Variants in SH3PXD2A observed in about 807,000 individuals in gnomAD.
SH3PXD2A encodes SH3 and PX domain-containing protein 2A.
Under a neutral mutation model 115.2 loss-of-function variants are expected in SH3PXD2A, and 32 were observed. The ratio of observed to expected loss-of-function variants is 0.28; its 90% CI spans 0.21 to 0.37. The LOEUF is 0.37. Among genes scored for constraint, SH3PXD2A ranks in the 10% least tolerant of loss-of-function variants. The probability of loss-of-function intolerance (pLI) is 1.00; values close to 1 mark genes in which losing one functional copy is unlikely to be tolerated. For missense variants in SH3PXD2A, 1,328 were observed against 1,498.7 expected (o/e 0.89, Z 1.88); for synonymous variants, 610 against 629.1 (o/e 0.97, Z 0.45).
intron 2 of SH3PXD2A, among the ~76,000 whole-genome samples, chr10:103,776,340 C>A (rs1389946765): frequency 4.0e-5 from 6 of 150,302 alleles, no homozygotes; most frequent in Admixed American, 1.3e-4. Flanking sequence ...CTGCAGTGAG[C>A]CATGATCATG....
chr10:103,603,560 T>A lies in SH3PXD2A; in HGVS notation c.1658A>T (p.Tyr553Phe), dbSNP rs761098740. 6 of 1,612,486 alleles carry A rather than the reference T, an allele frequency of 3.7e-6. No homozygotes were observed. The South Asian group carries it at 5.5e-5, about 15-fold the overall frequency. ...AGGGATGTCATACTCAGGCTCCTCA[T>A]ACTTGAGCTTCCGCGGGGAGTCCTG... The part of the protein sequence containing the change: ...ESQDSPRKLK[Y>F]EEPEYDIPAF... Residue 553 changes from tyrosine (Y) to phenylalanine (F), a missense_variant, in exon 15 of 15, where the codon TAT (tyrosine) becomes TTT (phenylalanine). By Grantham distance (22) the Tyr-to-Phe change is conservative. Around this residue, in one of 5 missense-constraint regions of SH3PXD2A, gnomAD observed 509 missense variants for 628.3 expected, o/e 0.81. Coordinates refer to ENST00000369774, the MANE Select transcript of SH3PXD2A (RefSeq NM_001394015.1).
intron 11 of SH3PXD2A, among the ~76,000 whole-genome samples, chr10:103,613,834 C>A (rs990457862): frequency 2.0e-5 from 3 of 152,172 alleles, no homozygotes; most frequent in African/African-American, 7.2e-5. Flanking sequence ...CTCCTCCATG[C>A]CAGATGACTG....
chr10:103,837,677 C>A (rs1029037846), intron 1 of SH3PXD2A, among the ~76,000 whole-genome samples: 2 of 152,206 alleles, frequency 1.3e-5, no homozygotes, highest in Non-Finnish European at 1.5e-5. Flanking sequence ...CACCATATTT[C>A]CAGGAGTCAC....
At chr10:103,735,913 C>G in intron 3 of SH3PXD2A, 105 bp from the exon 4 acceptor site, 7 of 858,868 alleles carry the variant, frequency 8.2e-6, no homozygotes, top group African/African-American at 1.6e-5. Flanking sequence ...CCAGCACTAC[C>G]TGCCACCACC....
At chr10:103,755,999 C>G (rs943003029) in intron 3 of SH3PXD2A, among the ~76,000 whole-genome samples, 6 of 152,222 alleles carry the variant, frequency 3.9e-5, no homozygotes, top group African/African-American at 1.4e-4. Flanking sequence ...TTTGCCTCCT[C>G]CCTTCCCTTT....
At chr10:103,618,651 C>T (rs1371608633) in intron 10 of SH3PXD2A, among the ~76,000 whole-genome samples, 2 of 152,216 alleles carry the variant, frequency 1.3e-5, no homozygotes, top group Non-Finnish European at 2.9e-5. Context: ...GACTGCATCA[C>T]GACCAGGCAA....
At chr10:103,669,464 C>G (rs138368028) in intron 6 of SH3PXD2A, among the ~76,000 whole-genome samples, 1 of 152,212 alleles carries the variant, frequency 6.6e-6, no homozygotes, top group Non-Finnish European at 1.5e-5. Context: ...CTGAATGAGG[C>G]AGAAAGCTCT....
chr10:103,782,471 C>T (rs2038939454), intron 2 of SH3PXD2A, among the ~76,000 whole-genome samples: 2 of 152,178 alleles, frequency 1.3e-5, no homozygotes, highest in Admixed American at 6.5e-5. Flanking sequence ...GCCTTTAAAG[C>T]GGAGGAGGAG....
At chr10:103,680,041 G>A (rs1418205286) in intron 6 of SH3PXD2A, among the ~76,000 whole-genome samples, 10 of 151,720 alleles carry the variant, frequency 6.6e-5, no homozygotes, top group Non-Finnish European at 1.3e-4. Flanking sequence ...GTGCAATGGC[G>A]CCATCTCTGC....
chr10:103,603,601 C>G lies in SH3PXD2A; in HGVS notation c.1617G>C (p.Thr539=). The G allele has an allele frequency of 1.9e-6, 3 of 1,606,176 alleles. No homozygotes were observed. The South Asian group carries it at 3.4e-5, about 18-fold the overall frequency. Residue 539 remains threonine (T), a synonymous_variant, in exon 15 of 15, where the codon ACG becomes ACC. Transcript: ENST00000369774. ...GGGAGTCCTGGCTCTCACTGGCCCCCGTAGGGCCCTCCTCGGCCTCCTTGG... is the reference window on the plus strand; with the variant it reads ...GGGAGTCCTGGCTCTCACTGGCCCCGGTAGGGCCCTCCTCGGCCTCCTTGG... The part of the protein sequence containing the change: ...SKPKEAEEGP[T]GASESQDSPR...
intron 1 of SH3PXD2A, among the ~76,000 whole-genome samples, chr10:103,813,870 T>G (rs2039295957): frequency 6.6e-6 from 1 of 152,064 alleles, no homozygotes; most frequent in South Asian, 2.1e-4. Context: ...CACTACAGGA[T>G]TTAAATCAGA....
chr10:103,652,120 A>T (rs530319687), intron 8 of SH3PXD2A, among the ~76,000 whole-genome samples: 1 of 152,366 alleles, frequency 6.6e-6, no homozygotes, highest in East Asian at 1.9e-4. Context: ...AGGCAAACGA[A>T]CTTTAGCCGG....
chr10:103,714,551 C>A (rs1470246804), intron 5 of SH3PXD2A, among the ~76,000 whole-genome samples: 1 of 152,356 alleles, frequency 6.6e-6, no homozygotes, highest in African/African-American at 2.4e-5. Context: ...GTCCTTGTTC[C>A]CCACGGCCAA....
intron 1 of SH3PXD2A, 55 bp downstream of exon 1, chr10:103,855,140 G>A (rs1055550868): frequency 1.6e-5 from 21 of 1,351,520 alleles, no homozygotes; most frequent in Admixed American, 2.3e-5. Flanking sequence ...GGCCATCCGG[G>A]GCCCTCCCGG....
rs200938753 is a variant in SH3PXD2A, at chr10:103,602,853, G to A, written c.2365C>T (p.Arg789Cys). 87 of 1,614,130 alleles carry A rather than the reference G, an allele frequency of 5.4e-5. No homozygotes were observed. In the East Asian group the frequency reaches 1.8e-3, roughly 33 times the overall value. Residue 789 changes from arginine (R) to cysteine (C), a missense_variant, in exon 15 of 15, where the codon CGT becomes TGT. Physicochemically the swap from Arg to Cys is radical, Grantham distance 180 (BLOSUM62 -3). Coordinates refer to ENST00000369774, the MANE Select transcript of SH3PXD2A (RefSeq NM_001394015.1). ...RRQLRPTGQL[R>C]GGLKGSKSED... ...CTCTTGGAGCCCTTGAGCCCTCCAC[G>A]GAGCTGGCCTGTGGGTCTCAGCTGG...
At chr10:103,757,045 T>C (rs1257328144) in intron 3 of SH3PXD2A, among the ~76,000 whole-genome samples, 1 of 152,156 alleles carries the variant, frequency 6.6e-6, no homozygotes, top group Non-Finnish European at 1.5e-5. Context: ...CGCTGGAGTA[T>C]GAGTTGGCTG....
chr10:103,836,272 A>G (rs1464177449), intron 1 of SH3PXD2A, among the ~76,000 whole-genome samples: 1 of 152,130 alleles, frequency 6.6e-6, no homozygotes, highest in East Asian at 1.9e-4. Context: ...AGGATAAAAG[A>G]TTGCCCCAGG....
chr10:103,624,298 C>T (rs1040429679), intron 9 of SH3PXD2A, among the ~76,000 whole-genome samples: 19 of 152,200 alleles, frequency 1.2e-4, no homozygotes, highest in Non-Finnish European at 2.5e-4. Context: ...TGGTCTGTTC[C>T]GCATGTCCCA....
intron 2 of SH3PXD2A, among the ~76,000 whole-genome samples, chr10:103,794,306 C>T (rs1283567764): frequency 1.3e-5 from 2 of 152,146 alleles, no homozygotes; most frequent in Non-Finnish European, 2.9e-5. Flanking sequence ...ATCTTCCAAG[C>T]GGTGCAGGGG....
Sources: gnomAD v4.1 joint callset for allele counts (sites outside exome capture counted in the v4.1 genomes callset) on GRCh38, gnomAD v4.1.1 for gene constraint, gnomAD v4.1.1 regional missense constraint, MANE v1.5 for transcripts, NCBI Gene and HGNC (gene_info 2026-07-23, HGNC 2026-07-21) for gene names.